EYA1: variants seen among roughly 807,000 people sequenced by gnomAD.
The protein encoded by EYA1 is protein phosphatase EYA1.
Under a neutral mutation model 82.0 loss-of-function variants are expected in EYA1, and 16 were observed. That is an observed-to-expected ratio of 0.20 (90% CI 0.13 to 0.30). The LOEUF is 0.30. EYA1 is among the 10% of genes least tolerant of loss of function. The probability of loss-of-function intolerance (pLI) is 1.00; values close to 1 mark genes in which losing one functional copy is unlikely to be tolerated. For synonymous variants in EYA1, 261 were observed against 264.4 expected (o/e 0.99, Z 0.12); for missense variants, 633 against 730.7 (o/e 0.87, Z 1.54).
At chr8:71,536,679 T>C (rs144979902) in intron 1 of EYA1, among the ~76,000 whole-genome samples, 277 of 152,350 alleles carry the variant, frequency 1.8e-3, no homozygotes, top group African/African-American at 6.5e-3. Context: ...GCAGCACATG[T>C]AATTTTAAGC....
intron 2 of EYA1, among the ~76,000 whole-genome samples, chr8:71,468,783 G>A (rs774736081): frequency 1.3e-5 from 2 of 151,942 alleles, no homozygotes; most frequent in Non-Finnish European, 2.9e-5. Flanking sequence ...TTGAGATAAC[G>A]TGCTCCTCTG....
chr8:71,493,682 A>C (rs1332106633), intron 2 of EYA1, among the ~76,000 whole-genome samples: 1 of 151,830 alleles, frequency 6.6e-6, no homozygotes, highest in Non-Finnish European at 1.5e-5. Context: ...ATTATATATT[A>C]TATTTTTTCC....
chr8:71,442,490 A>C (rs1233554796), intron 2 of EYA1, among the ~76,000 whole-genome samples: 2 of 152,226 alleles, frequency 1.3e-5, no homozygotes, highest in African/African-American at 4.8e-5. Flanking sequence ...AGCTGTAGGC[A>C]GTTTCTGATT....
At chr8:71,254,467 G>A (rs2128921851) in intron 11 of EYA1, among the ~76,000 whole-genome samples, 1 of 152,172 alleles carries the variant, frequency 6.6e-6, no homozygotes, top group African/African-American at 2.4e-5. Context: ...GATTGAGTGA[G>A]AATCTATAGA....
chr8:71,255,606 C>A (rs1462973617), intron 11 of EYA1, among the ~76,000 whole-genome samples: 1 of 151,990 alleles, frequency 6.6e-6, no homozygotes, highest in East Asian at 1.9e-4. Flanking sequence ...CAAAATAGAT[C>A]AAAAACCTAA....
intron 11 of EYA1, among the ~76,000 whole-genome samples, chr8:71,258,127 A>C (rs1814660925): frequency 6.6e-6 from 1 of 152,324 alleles, no homozygotes; most frequent in Non-Finnish European, 1.5e-5. Context: ...ACTATTATTG[A>C]AGATTCATCC....
intron 1 of EYA1, among the ~76,000 whole-genome samples, chr8:71,357,782 G>A (rs563742339): frequency 2.0e-5 from 3 of 152,266 alleles, no homozygotes; most frequent in Admixed American, 6.5e-5. Context: ...TCTACAATAC[G>A]TGCAGGATGA....
At chr8:71,284,334 T>C (rs1191614675) in intron 9 of EYA1, among the ~76,000 whole-genome samples, 2 of 152,232 alleles carry the variant, frequency 1.3e-5, no homozygotes, top group South Asian at 2.1e-4. Flanking sequence ...CACATTCTGG[T>C]ACATCTGCAT....
At chr8:71,258,819 G>A (rs1164216758) in intron 11 of EYA1, among the ~76,000 whole-genome samples, 4 of 152,102 alleles carry the variant, frequency 2.6e-5, no homozygotes, top group Admixed American at 6.5e-5. Flanking sequence ...TTTTGAAGGC[G>A]GTATGTATTT....
upstream of EYA1, among the ~76,000 whole-genome samples, chr8:71,365,950 T>C (rs1474357788): frequency 6.6e-6 from 1 of 152,252 alleles, no homozygotes; most frequent in Non-Finnish European, 1.5e-5. Flanking sequence ...ACAGTAAAGC[T>C]AAGGAGGTAA....
Position 71,274,420 on chromosome 8 carries a change from C to A in EYA1, c.827-2523G>T, listed in dbSNP as rs116816963. On this transcript the variant is annotated intron_variant, in intron 9 of 17. Coordinates refer to ENST00000340726, the MANE Select transcript of EYA1 (RefSeq NM_000503.6). Reference sequence around the variant, plus strand: ...TCAAATATTCAAATCATTTAATCTTCTAATCCACTGACAGCTCATGTTTCA... The same window carrying A: ...TCAAATATTCAAATCATTTAATCTTATAATCCACTGACAGCTCATGTTTCA... 2.6e-3 allele frequency among the ~76,000 whole-genome samples: 398 copies of A among 152,266 alleles called. 4 individuals are homozygous for A. The highest frequency in any genetic ancestry group is 9.1e-3 in the African/African-American group (378 of 41,528).
chr8:71,359,063 T>C (rs1827152649), intron 1 of EYA1, among the ~76,000 whole-genome samples: 1 of 152,110 alleles, frequency 6.6e-6, no homozygotes, highest in Non-Finnish European at 1.5e-5. Context: ...AATCAAGTCA[T>C]TTCACTTTAA....
At chr8:71,495,972 GT>G (rs982937869) in intron 2 of EYA1, among the ~76,000 whole-genome samples, 9 of 152,154 alleles carry the variant, frequency 5.9e-5, no homozygotes, top group Admixed American at 1.3e-4. Context: ...TTTGCAAAAG[GT>G]TGGAAGTGAA....
chr8:71,269,586 A>AT (rs746922864), intron 11 of EYA1, among the ~76,000 whole-genome samples, 154 bp downstream of exon 11: 2 of 152,120 alleles, frequency 1.3e-5, no homozygotes, highest in East Asian at 1.9e-4. Flanking sequence ...TCTTTTACAT[A>AT]TTTTTTACCT....
chr8:71,390,190 T>C (rs1160768853), intron 2 of EYA1, among the ~76,000 whole-genome samples: 5 of 152,182 alleles, frequency 3.3e-5, no homozygotes, highest in African/African-American at 1.2e-4. Flanking sequence ...TACTACTGGG[T>C]TTGATTTGCT....
At chr8:71,217,819 G>A (rs1305667703) in intron 12 of EYA1, among the ~76,000 whole-genome samples, 1 of 152,132 alleles carries the variant, frequency 6.6e-6, no homozygotes, top group East Asian at 1.9e-4. Flanking sequence ...AAACTACTTA[G>A]AATAGGAAGC....
chr8:71,541,241 C>T (rs73686209), intron 1 of EYA1, among the ~76,000 whole-genome samples: 27,770 of 152,244 alleles, frequency 0.18, 2,622 homozygotes, highest in Admixed American at 0.23. Context: ...AAGTTGGTCT[C>T]TACCTTGGTG....
upstream of EYA1, among the ~76,000 whole-genome samples, chr8:71,362,537 G>T (rs528663453): frequency 9.3e-4 from 142 of 152,190 alleles, no homozygotes; most frequent in South Asian, 4.4e-3. Flanking sequence ...ACTGAAACAG[G>T]TCTGGGGGAA....
chr8:71,501,727 G>A (rs900211005), intron 2 of EYA1, among the ~76,000 whole-genome samples: 7 of 152,200 alleles, frequency 4.6e-5, no homozygotes, highest in African/African-American at 1.2e-4. Context: ...AGTCAGGATC[G>A]TGATTCACTG....
Sources: allele counts gnomAD v4.1 joint callset (sites outside exome capture counted in the v4.1 genomes callset), GRCh38; gene constraint gnomAD v4.1.1; transcripts MANE v1.5; gene names NCBI Gene and HGNC (gene_info 2026-07-23, HGNC 2026-07-21).